SIK3: variants seen among roughly 807,000 people sequenced by gnomAD.
The protein encoded by SIK3 is SIK family kinase 3.
SIK3 carries 28 observed loss-of-function variants against 144.2 expected under a neutral mutation model. That is an observed-to-expected ratio of 0.19 (90% CI 0.14 to 0.27). The LOEUF (loss-of-function observed/expected upper bound fraction) is 0.27, where lower values mean the gene tolerates loss of function less well. Ranked by LOEUF, SIK3 falls within the 10% of genes least tolerant of loss-of-function variation. The probability of loss-of-function intolerance (pLI) is 1.00; values close to 1 mark genes in which losing one functional copy is unlikely to be tolerated. For missense variants in SIK3, 1,319 were observed against 1,776.0 expected (o/e 0.74, Z 4.62); for synonymous variants, 686 against 676.3 (o/e 1.01, Z -0.22).
chr11:116,878,380 C>T (rs1294089145), intron 6 of SIK3, among the ~76,000 whole-genome samples: 1 of 143,646 alleles, frequency 7.0e-6, no homozygotes, highest in Non-Finnish European at 1.5e-5. Flanking sequence ...TCTCTCTCTC[C>T]CTTTTTTTTT....
intron 1 of SIK3, among the ~76,000 whole-genome samples, chr11:117,087,711 C>T (rs145898726): frequency 6.6e-6 from 1 of 152,138 alleles, no homozygotes; most frequent in Non-Finnish European, 1.5e-5. Flanking sequence ...TCTAGTGCAG[C>T]CTTTCTGGAA....
intron 1 of SIK3, chr11:117,036,051 T>A: frequency 8.5e-7 from 1 of 1,180,458 alleles, no homozygotes; most frequent in Non-Finnish European, 1.2e-6. Context: ...GCAAGAGGCA[T>A]GTTCTCGTGT....
chr11:116,949,477 T>C (rs1169356890), intron 3 of SIK3, among the ~76,000 whole-genome samples: 3 of 152,246 alleles, frequency 2.0e-5, no homozygotes, highest in East Asian at 1.9e-4. Context: ...TCTGGTTCCT[T>C]TGAAGAAATA....
chr11:116,908,021 C>CTTTTTTTTGAGAAAAAAAAAATTCTT (rs1591293326), intron 4 of SIK3, among the ~76,000 whole-genome samples: 1 of 150,100 alleles, frequency 6.7e-6, no homozygotes, highest in East Asian at 1.9e-4. Context: ...ATCTTTACGG[C>CTTTTTTTTGAGAAAAAAAAAATTCTT]CTCAGGGGAT....
At chr11:117,058,489 C>T (rs1429876237) in intron 1 of SIK3, among the ~76,000 whole-genome samples, 1 of 147,214 alleles carries the variant, frequency 6.8e-6, no homozygotes, top group Non-Finnish European at 1.5e-5. Flanking sequence ...CACTGCACTC[C>T]AGCCCGGGCA....
chr11:116,847,432 CT>C lies in SIK3; in HGVS notation c.3952+43del, dbSNP rs754922434. 12 of 1,612,718 alleles carry C rather than the reference CT, an allele frequency of 7.4e-6. No homozygotes were observed. In the East Asian group the frequency reaches 2.5e-4, roughly 33 times the overall value. Reference sequence around the variant, plus strand: ...AGTTACGGAAGATGGAGGGAGGCCCCTCCAGGAACTTCTCTGGAGTGCCCCA... The same window carrying C: ...AGTTACGGAAGATGGAGGGAGGCCCCCCAGGAACTTCTCTGGAGTGCCCCA... On this transcript the variant is annotated intron_variant, in intron 23 of 24. Coordinates refer to ENST00000445177, the MANE Select transcript of SIK3 (RefSeq NM_001366686.3).
intron 6 of SIK3, among the ~76,000 whole-genome samples, chr11:116,878,124 G>C (rs981187021): frequency 3.3e-5 from 5 of 152,166 alleles, no homozygotes; most frequent in Admixed American, 6.5e-5. Flanking sequence ...CACTAATTCA[G>C]CACTGAACCA....
chr11:117,044,757 C>G (rs914947451), intron 1 of SIK3, among the ~76,000 whole-genome samples: 4 of 152,142 alleles, frequency 2.6e-5, no homozygotes, highest in Non-Finnish European at 5.9e-5. Context: ...TGGTGGTATA[C>G]GCTTGTTGTC....
chr11:117,044,506 A>G (rs1952872627), intron 1 of SIK3, among the ~76,000 whole-genome samples: 1 of 152,200 alleles, frequency 6.6e-6, no homozygotes, highest in African/African-American at 2.4e-5. Context: ...TTAATAATAC[A>G]AAAACACAAT....
intron 1 of SIK3, among the ~76,000 whole-genome samples, chr11:117,041,401 C>T (rs77999164): frequency 0.072 from 11,012 of 152,168 alleles, 484 homozygotes; most frequent in Middle Eastern, 0.11. Flanking sequence ...ACTGGTACTT[C>T]AAGACCTCTC....
At chr11:117,067,950 C>T (rs1026533232) in intron 1 of SIK3, among the ~76,000 whole-genome samples, 6 of 152,032 alleles carry the variant, frequency 3.9e-5, no homozygotes, top group Admixed American at 6.6e-5. Flanking sequence ...CGCCACTGCA[C>T]TCCAGCCTGG....
intron 1 of SIK3, among the ~76,000 whole-genome samples, chr11:117,028,510 C>A (rs1952120199): frequency 6.6e-6 from 1 of 152,012 alleles, no homozygotes; most frequent in South Asian, 2.1e-4. Context: ...ACAGTGGGAA[C>A]ACAGACAAGG....
intron 1 of SIK3, among the ~76,000 whole-genome samples, chr11:116,971,772 C>T (rs1344183551): frequency 6.6e-6 from 1 of 151,966 alleles, no homozygotes; most frequent in Non-Finnish European, 1.5e-5. Context: ...ATAACTATGA[C>T]ATCTTTACTG....
chr11:116,934,853 G>A (rs1216656342), intron 3 of SIK3, among the ~76,000 whole-genome samples: 1 of 152,152 alleles, frequency 6.6e-6, no homozygotes, highest in Non-Finnish European at 1.5e-5. Flanking sequence ...GCAGAGGTAG[G>A]TGGATTACCT....
intron 1 of SIK3, among the ~76,000 whole-genome samples, chr11:116,971,292 A>G (rs1238310473): frequency 1.3e-5 from 2 of 152,224 alleles, no homozygotes; most frequent in Admixed American, 6.5e-5. Context: ...ACTGTAAATT[A>G]CAACCACACC....
intron 1 of SIK3, among the ~76,000 whole-genome samples, chr11:116,972,190 G>A (rs1182058669): frequency 6.6e-6 from 1 of 151,948 alleles, no homozygotes. Context: ...AGATGTTTCT[G>A]AGACACCTAC....
At chr11:116,915,122 ATATG>A (rs1555093301) in intron 4 of SIK3, among the ~76,000 whole-genome samples, 35 of 100,066 alleles carry the variant, frequency 3.5e-4, no homozygotes, top group African/African-American at 1.7e-3. Flanking sequence ...AGGAAGCCAT[ATATG>A]TGTGTGTGTG....
At chr11:116,998,165 TA>T (rs71037438) in intron 1 of SIK3, among the ~76,000 whole-genome samples, 2,213 of 141,654 alleles carry the variant, frequency 0.016, 24 homozygotes, top group Middle Eastern at 0.043. Flanking sequence ...TATGATAATT[TA>T]AAAAAAAAAA....
At chr11:117,047,738 T>A (rs1026047564) in intron 1 of SIK3, among the ~76,000 whole-genome samples, 1 of 151,942 alleles carries the variant, frequency 6.6e-6, no homozygotes, top group African/African-American at 2.4e-5. Context: ...AGCCCAGGAG[T>A]TTGAGACCAG....
Sources: allele counts gnomAD v4.1 joint callset (sites outside exome capture counted in the v4.1 genomes callset), GRCh38; gene constraint gnomAD v4.1.1; transcripts MANE v1.5; gene names NCBI Gene and HGNC (gene_info 2026-07-23, HGNC 2026-07-21).